GALNT16: variants seen among roughly 807,000 people sequenced by gnomAD.
GALNT16 encodes UDP-GalNAc:polypeptide N-acetylgalactosaminyltransferase-like protein 1.
A neutral mutation model predicts 76.1 loss-of-function variants in GALNT16; 40 were observed. That is an observed-to-expected ratio of 0.53 (90% confidence interval 0.41 to 0.68). The LOEUF is 0.68. GALNT16 is among the 30% of genes least tolerant of loss of function. The pLI is 0.00. For synonymous variants in GALNT16, 276 were observed against 285.2 expected (o/e 0.97, Z 0.32); for missense variants, 621 against 731.9 (o/e 0.85, Z 1.75).
At chr14:69,269,651 G>A (rs1566858575) in intron 1 of GALNT16, among the ~76,000 whole-genome samples, 1 of 150,126 alleles carries the variant, frequency 6.7e-6, no homozygotes, top group Non-Finnish European at 1.5e-5. Flanking sequence ...TGTATATGAT[G>A]TGTGGGGTTT....
intron 1 of GALNT16, among the ~76,000 whole-genome samples, chr14:69,304,030 G>A (rs1566872559): frequency 6.6e-6 from 1 of 152,018 alleles, no homozygotes; most frequent in Non-Finnish European, 1.5e-5. Flanking sequence ...TCTATTTAAG[G>A]AGTCTTCCAT....
intron 7 of GALNT16, among the ~76,000 whole-genome samples, chr14:69,332,040 G>A (rs1255353414): frequency 6.6e-6 from 1 of 152,202 alleles, no homozygotes; most frequent in Non-Finnish European, 1.5e-5. Flanking sequence ...GTCTTGAAAA[G>A]TGACTAGTTG....
In GALNT16 at chr14:69,260,274, G is replaced by A. The variant is rs780460528; in HGVS notation, c.-17G>A. On this transcript the variant is annotated 5_prime_UTR_variant, in exon 1 of 15. Transcript: ENST00000448469. ...ACGCCGGCCCAGTCCCCCACCTGGG[G>A]CGCCCGTCTGCCCACCATGAGGAAG... 1.9e-6 allele frequency: 3 copies of A among 1,611,130 alleles called. No individual in the cohort carries two copies. Among genetic ancestry groups the A allele is most frequent in the Non-Finnish European group, 2.5e-6 (3 of 1,178,644 alleles).
chr14:69,339,490 C>T (rs1441543794), intron 10 of GALNT16, 37 bp from the exon 11 acceptor site: 1 of 1,256,518 alleles, frequency 8.0e-7, no homozygotes, highest in South Asian at 1.2e-5. Context: ...CTGTTGCTTC[C>T]CTGGTGACCT....
downstream of GALNT16, among the ~76,000 whole-genome samples, chr14:69,359,952 G>C (rs906946918): frequency 2.6e-5 from 4 of 152,092 alleles, no homozygotes; most frequent in African/African-American, 9.7e-5. Flanking sequence ...TTGAACCCAG[G>C]AGGCAGAGGT....
At chr14:69,306,553 C>T (rs1446830636) in intron 1 of GALNT16, among the ~76,000 whole-genome samples, 1 of 152,190 alleles carries the variant, frequency 6.6e-6, no homozygotes, top group Non-Finnish European at 1.5e-5. Flanking sequence ...ATTTACTCTT[C>T]TTCCTGCTGT....
At chr14:69,300,768 C>A (rs1413666611) in intron 1 of GALNT16, among the ~76,000 whole-genome samples, 1 of 152,098 alleles carries the variant, frequency 6.6e-6, no homozygotes, top group African/African-American at 2.4e-5. Flanking sequence ...AAGAGGACAT[C>A]CAACTCAGAA....
At chr14:69,325,114 A>T (rs2045262088) in intron 3 of GALNT16, among the ~76,000 whole-genome samples, 1 of 152,124 alleles carries the variant, frequency 6.6e-6, no homozygotes, top group Non-Finnish European at 1.5e-5. Flanking sequence ...AGAGAGGTGG[A>T]TTGGAGGTGG....
intron 4 of GALNT16, among the ~76,000 whole-genome samples, chr14:69,325,758 C>T (rs2045273838): frequency 6.6e-6 from 1 of 152,212 alleles, no homozygotes; most frequent in Non-Finnish European, 1.5e-5. Flanking sequence ...GAGTGGAGTA[C>T]TGCCATAGGT....
the GALNT16 span, among the ~76,000 whole-genome samples, chr14:69,362,436 C>T: frequency 6.6e-6 from 1 of 152,250 alleles, no homozygotes; most frequent in South Asian, 2.1e-4. Flanking sequence ...GCTCATTAAG[C>T]AGTGAGGCTT....
intron 1 of GALNT16, among the ~76,000 whole-genome samples, chr14:69,272,124 G>A (rs1018045373): frequency 1.3e-5 from 2 of 152,094 alleles, no homozygotes; most frequent in African/African-American, 2.4e-5. Context: ...ATTTTGGGAG[G>A]CTGAGGAGGG....
chr14:69,292,705 T>C (rs577510089), intron 1 of GALNT16, among the ~76,000 whole-genome samples: 3 of 152,226 alleles, frequency 2.0e-5, no homozygotes, highest in Non-Finnish European at 4.4e-5. Flanking sequence ...AAGTCACAGA[T>C]CTACTTAAAG....
chr14:69,341,403 C>T (rs148635406), intron 11 of GALNT16, among the ~76,000 whole-genome samples: 27 of 152,272 alleles, frequency 1.8e-4, no homozygotes, highest in African/African-American at 4.6e-4. Context: ...AGTGAGAAGC[C>T]GAGAGAAAGG....
chr14:69,360,023 C>G (rs929522379), downstream of GALNT16, among the ~76,000 whole-genome samples: 4 of 147,428 alleles, frequency 2.7e-5, no homozygotes, highest in African/African-American at 1.0e-4. Context: ...GACTCTGTCT[C>G]AAAAATAAAA....
intron 5 of GALNT16, among the ~76,000 whole-genome samples, chr14:69,328,089 A>G (rs2140174215): frequency 6.6e-6 from 1 of 152,234 alleles, no homozygotes; most frequent in Non-Finnish European, 1.5e-5. Flanking sequence ...GGAGGGGACG[A>G]CCCAGAGGTT....
chr14:69,348,736 G>A (rs1003809203), intron 14 of GALNT16: 1 of 152,304 alleles, frequency 6.6e-6, no homozygotes, highest in Non-Finnish European at 1.5e-5. Context: ...ACAGAGAGGT[G>A]GAGTCACTTG....
chr14:69,266,067 C>T (rs1468048537), intron 1 of GALNT16, among the ~76,000 whole-genome samples: 2 of 152,178 alleles, frequency 1.3e-5, no homozygotes, highest in African/African-American at 4.8e-5. Flanking sequence ...AGTAAGTGCA[C>T]CCGACACTAG....
At chr14:69,265,893 T>A (rs2044336616) in intron 1 of GALNT16, among the ~76,000 whole-genome samples, 1 of 152,208 alleles carries the variant, frequency 6.6e-6, no homozygotes, top group East Asian at 1.9e-4. Context: ...GCCTCCATAA[T>A]CACTGTATAC....
chr14:69,338,519 T>G lies in GALNT16; in HGVS notation c.968-132T>G, dbSNP rs918264201. The G allele has an allele frequency of 3.2e-6, 4 of 1,263,952 alleles. No homozygotes were observed. The South Asian group carries it at 4.3e-5, about 14-fold the overall frequency. 78.3% of individuals were successfully genotyped at this position (1,263,952 alleles called of 1,614,324 possible). A position where few individuals can be genotyped will look rare whatever the true frequency, so the allele number is the denominator to read the frequency against. On this transcript the variant is annotated intron_variant, in intron 9 of 14. Transcript: ENST00000448469. ...GTGCAAGGAGTGGGAGCACTCCATT[T>G]GAGCAGGCCCAGGAGCCCCGACCCC...
Sources: gnomAD v4.1 joint callset for allele counts (sites outside exome capture counted in the v4.1 genomes callset) on GRCh38, gnomAD v4.1.1 for gene constraint, MANE v1.5 for transcripts, NCBI Gene and HGNC (gene_info 2026-07-23, HGNC 2026-07-21) for gene names.